Variants in NCKAP5 observed in about 807,000 individuals in gnomAD.
NCKAP5 encodes nck-associated protein 5.
A neutral mutation model predicts 167.0 loss-of-function variants in NCKAP5; 92 were observed. That is an observed-to-expected ratio of 0.55 (90% CI 0.47 to 0.66). NCKAP5 has a LOEUF of 0.66. NCKAP5 is among the 30% of genes least tolerant of loss of function. The pLI, the probability that NCKAP5 is intolerant of heterozygous loss-of-function variation, is 0.00. For synonymous variants in NCKAP5, 891 were observed against 877.4 expected, an observed-to-expected ratio of 1.02 and a Z score of -0.27; for missense variants, 2,378 against 2,315.0, an observed-to-expected ratio of 1.03 and a Z score of -0.56.
chr2:133,277,292 T>A (rs1465141941), intron 4 of NCKAP5, among the ~76,000 whole-genome samples: 1 of 152,166 alleles, frequency 6.6e-6, no homozygotes, highest in South Asian at 2.1e-4. Context: ...AAAATTATGA[T>A]AAAAAATTAA....
intron 6 of NCKAP5, among the ~76,000 whole-genome samples, chr2:133,092,889 T>C (rs1030011215): frequency 1.8e-4 from 28 of 152,200 alleles, no homozygotes; most frequent in Non-Finnish European, 2.9e-4. Context: ...AGGGGTTCAA[T>C]TGTAGAAAAA....
chr2:133,432,153 GGAAACATCATA>G (rs1170314478), intron 3 of NCKAP5, among the ~76,000 whole-genome samples: 2 of 152,044 alleles, frequency 1.3e-5, no homozygotes, highest in Non-Finnish European at 2.9e-5. Flanking sequence ...ACTTTGAAGA[GGAAACATCATA>G]GAGTTTACAA....
chr2:133,165,438 C>A (rs146162145), intron 5 of NCKAP5, among the ~76,000 whole-genome samples: 1 of 152,170 alleles, frequency 6.6e-6, no homozygotes, highest in East Asian at 1.9e-4. Context: ...TAGAAGCAAT[C>A]CAAATTTCTA....
At chr2:132,932,345 T>C (rs1696447034) in intron 8 of NCKAP5, among the ~76,000 whole-genome samples, 2 of 152,180 alleles carry the variant, frequency 1.3e-5, no homozygotes, top group African/African-American at 4.8e-5. Context: ...TGTGTGGGTG[T>C]GTGTATCTTC....
At chr2:133,305,138 A>G (rs571997414) in intron 3 of NCKAP5, among the ~76,000 whole-genome samples, 1 of 152,184 alleles carries the variant, frequency 6.6e-6, no homozygotes. Flanking sequence ...ATGAAGTTGG[A>G]CAGTTAGGCA....
In NCKAP5 at chr2:133,535,697, T is replaced by A. The variant is rs531374815; in HGVS notation, c.-61-18110A>T. Among the ~76,000 whole-genome samples the A allele has an allele frequency of 1.7e-3, 265 of 152,288 alleles. 1 individual carries two copies. The Middle Eastern group carries it at 0.02, about 12-fold the overall frequency. ...GGTTGAATGGTAGTTCTAGTTTTAA[T>A]TCTTTGACAAATCTCCATACTGTTT... On this transcript the variant is annotated intron_variant, in intron 2 of 19. Transcript: ENST00000409261.
At chr2:132,749,391 A>T (rs1009940580) in intron 16 of NCKAP5, among the ~76,000 whole-genome samples, 1 of 151,952 alleles carries the variant, frequency 6.6e-6, no homozygotes, top group Non-Finnish European at 1.5e-5. Context: ...TTTTGTAGAG[A>T]CAGGATTTTG....
chr2:133,418,341 C>G (rs17802469), intron 3 of NCKAP5, among the ~76,000 whole-genome samples: 6,462 of 152,232 alleles, frequency 0.042, 204 homozygotes, highest in Non-Finnish European at 0.073. Context: ...AACTGTCAAA[C>G]AGAGACAATA....
At chr2:133,250,553 G>T (rs1299759804) in intron 4 of NCKAP5, among the ~76,000 whole-genome samples, 1 of 152,348 alleles carries the variant, frequency 6.6e-6, no homozygotes, top group East Asian at 1.9e-4. Flanking sequence ...GGCAGGCTCT[G>T]CTCTCCTGAG....
At chr2:133,653,219 A>G in the NCKAP5 span, among the ~76,000 whole-genome samples, 1 of 152,162 alleles carries the variant, frequency 6.6e-6, no homozygotes, top group African/African-American at 2.4e-5. Context: ...TCAACACTCA[A>G]AACTCCACTT....
intron 2 of NCKAP5, among the ~76,000 whole-genome samples, chr2:133,522,688 A>C (rs1684569913): frequency 6.7e-6 from 1 of 149,068 alleles, no homozygotes; most frequent in Admixed American, 6.7e-5. Context: ...TTAGCAAAGT[A>C]ATACTAGACA....
intron 6 of NCKAP5, among the ~76,000 whole-genome samples, chr2:133,044,589 G>A (rs1573850761): frequency 6.6e-6 from 1 of 152,286 alleles, no homozygotes; most frequent in East Asian, 1.9e-4. Context: ...AAACTTGGCA[G>A]GATGTGGCAC....
intron 8 of NCKAP5, among the ~76,000 whole-genome samples, chr2:132,940,425 A>G (rs951525100): frequency 6.6e-6 from 1 of 152,182 alleles, no homozygotes; most frequent in Non-Finnish European, 1.5e-5. Flanking sequence ...TAAGACTTTC[A>G]TGGGGTATTT....
intron 7 of NCKAP5, among the ~76,000 whole-genome samples, chr2:132,971,560 G>A (rs982167450): frequency 4.6e-5 from 7 of 152,164 alleles, no homozygotes; most frequent in African/African-American, 1.4e-4. Context: ...TGGATGGGTT[G>A]GGGGAAGTTA....
At chr2:133,638,545 C>T in the NCKAP5 span, among the ~76,000 whole-genome samples, 1 of 152,294 alleles carries the variant, frequency 6.6e-6, no homozygotes, top group South Asian at 2.1e-4. Flanking sequence ...TGTTAAACTT[C>T]TCTCAATCAA....
intron 4 of NCKAP5, among the ~76,000 whole-genome samples, chr2:133,267,109 G>C (rs1293545084): frequency 1.3e-5 from 2 of 152,188 alleles, no homozygotes; most frequent in Non-Finnish European, 2.9e-5. Context: ...GGGCGGGGAA[G>C]GGAGGTGGGG....
At chr2:133,260,965 A>T (rs1396074739) in intron 4 of NCKAP5, among the ~76,000 whole-genome samples, 1 of 152,220 alleles carries the variant, frequency 6.6e-6, no homozygotes, top group African/African-American at 2.4e-5. Context: ...GGTAGTTTAC[A>T]TCTCATTAAT....
chr2:132,725,594 AC>A (rs765071491), intron 19 of NCKAP5, 32 bp downstream of exon 19: 9 of 1,588,310 alleles, frequency 5.7e-6, no homozygotes, highest in Non-Finnish European at 6.0e-6. Context: ...AGAGAGAGGA[AC>A]CTGCAGGGCC....
intron 11 of NCKAP5, among the ~76,000 whole-genome samples, chr2:132,799,482 G>GA (rs1684861980): frequency 6.6e-6 from 1 of 152,080 alleles, no homozygotes; most frequent in African/African-American, 2.4e-5. Context: ...TAAATTTTCA[G>GA]AAAAAAGAAA....
Sources: allele counts gnomAD v4.1 joint callset (sites outside exome capture counted in the v4.1 genomes callset), GRCh38; gene constraint gnomAD v4.1.1; transcripts MANE v1.5; gene names NCBI Gene and HGNC (gene_info 2026-07-23, HGNC 2026-07-21).